The following HOXC4 variants were observed in gnomAD, a reference collection of about 807,000 sequenced individuals.
HOXC4 encodes homeobox protein Hox-C4.
HOXC4 carries 15 observed loss-of-function variants against 25.5 expected under a neutral mutation model. The observed-to-expected ratio is 0.59, with a 90% confidence interval of 0.39 to 0.91. The LOEUF is 0.91. Ranked by LOEUF, HOXC4 falls within the 40% of genes least tolerant of loss-of-function variation. The pLI, the probability that HOXC4 is intolerant of heterozygous loss-of-function variation, is 0.00. For synonymous variants in HOXC4, 165 were observed against 148.0 expected (o/e 1.11, Z -0.83); for missense variants, 342 against 352.4 (o/e 0.97, Z 0.24).
At chr12:54,026,157 C>T (rs1366044191) in intron 1 of HOXC4, among the ~76,000 whole-genome samples, 1 of 152,138 alleles carries the variant, frequency 6.6e-6, no homozygotes, top group Non-Finnish European at 1.5e-5. Flanking sequence ...CTTCCGGCCT[C>T]TTCTACTTGT....
chr12:54,053,093 G>C (rs1251680917), upstream of HOXC4: 1 of 152,418 alleles, frequency 6.6e-6, no homozygotes, highest in African/African-American at 2.4e-5. Flanking sequence ...GGGAGGGTCA[G>C]TGGGTAGCAG....
At chr12:54,018,860 G>C (rs1266372492) in intron 1 of HOXC4, among the ~76,000 whole-genome samples, 1 of 152,092 alleles carries the variant, frequency 6.6e-6, no homozygotes, top group Non-Finnish European at 1.5e-5. Context: ...CTCTCCCAGA[G>C]GCGCGACTGG....
Position 54,022,933 on chromosome 12 carries a change from A to C in HOXC4, c.-124+5519A>C, listed in dbSNP as rs779731280. 3.3e-5 allele frequency among the ~76,000 whole-genome samples: 5 copies of C among 152,284 alleles called. No homozygotes were observed. In the East Asian group the frequency reaches 5.8e-4, roughly 18 times the overall value. ...CCCAGTGCAGAGCAGCACACCCCCT[A>C]TTGCGGCTTCTTCCTCATGTGACAT... On this transcript the variant is annotated intron_variant, in intron 1 of 3. Coordinates refer to the HOXC4 transcript ENST00000303406.
chr12:54,034,648 C>T, intron 1 of HOXC4: 2 of 632,772 alleles, frequency 3.2e-6, no homozygotes, highest in Non-Finnish European at 5.5e-6. Flanking sequence ...CTTGGCATTC[C>T]GCATCCCTAC....
At chr12:54,047,271 C>T (rs575180526) in intron 1 of HOXC4, among the ~76,000 whole-genome samples, 1 of 152,236 alleles carries the variant, frequency 6.6e-6, no homozygotes, top group Non-Finnish European at 1.5e-5. Flanking sequence ...ACACAGGGAA[C>T]GTTTTCCTAT....
intron 1 of HOXC4, among the ~76,000 whole-genome samples, chr12:54,031,894 A>G (rs1592236297): frequency 6.6e-6 from 1 of 152,162 alleles, no homozygotes; most frequent in East Asian, 1.9e-4. Flanking sequence ...TCCTCTTGGT[A>G]GCTCAGAAAT....
intron 1 of HOXC4, among the ~76,000 whole-genome samples, chr12:54,031,738 G>C (rs914021546): frequency 6.6e-6 from 1 of 152,200 alleles, no homozygotes; most frequent in South Asian, 2.1e-4. Context: ...GCCTTCTCCT[G>C]GCGGGGCGGA....
chr12:54,027,147 T>TCGGATTCAGCTGCCTTTTC (rs1940755157), intron 1 of HOXC4, among the ~76,000 whole-genome samples: 1 of 152,252 alleles, frequency 6.6e-6, no homozygotes, highest in African/African-American at 2.4e-5. Context: ...CTCACAAGCC[T>TCGGATTCAGCTGCCTTTTC]CGGATTCAGC....
chr12:54,032,954 T>G, intron 1 of HOXC4: 2 of 605,376 alleles, frequency 3.3e-6, no homozygotes, highest in Non-Finnish European at 5.6e-6. Context: ...TCGAGTCACG[T>G]GACTCTATTT....
chr12:54,029,660 G>A, intron 1 of HOXC4: 1 of 1,611,188 alleles, frequency 6.2e-7, no homozygotes, highest in Non-Finnish European at 8.5e-7. Context: ...TTTAGGGGTC[G>A]GCTACGGAGC....
chr12:54,054,443 C>G (rs1243011420), intron 1 of HOXC4, 82 bp downstream of exon 1: 10 of 905,984 alleles, frequency 1.1e-5, no homozygotes, highest in African/African-American at 1.7e-5. Context: ...CTCTGGCCCC[C>G]GTCCTCCTTT....
intron 1 of HOXC4, chr12:54,029,060 C>T (rs1329940910): frequency 1.2e-6 from 1 of 818,868 alleles, no homozygotes; most frequent in Non-Finnish European, 1.9e-6. Context: ...AGACAGGGCC[C>T]CCTCTTCTGC....
chr12:54,046,536 A>AATAAAT (rs538528074), intron 1 of HOXC4, among the ~76,000 whole-genome samples: 2 of 149,864 alleles, frequency 1.3e-5, no homozygotes, highest in Non-Finnish European at 3.0e-5. Flanking sequence ...CCTTGAGGGA[A>AATAAAT]ATATATATAT....
chr12:54,023,563 G>C (rs1412858373), intron 1 of HOXC4, among the ~76,000 whole-genome samples: 2 of 152,212 alleles, frequency 1.3e-5, no homozygotes, highest in Non-Finnish European at 2.9e-5. Flanking sequence ...CCTTGGAGGT[G>C]TTTGGGGGCA....
intron 1 of HOXC4, among the ~76,000 whole-genome samples, chr12:54,032,578 G>A (rs1167754837): frequency 1.3e-5 from 2 of 152,172 alleles, no homozygotes. Flanking sequence ...ATTACAAAAA[G>A]CACTCTGTGC....
At chr12:54,035,234 G>C (rs1453651917) in intron 1 of HOXC4, 3 of 152,844 alleles carry the variant, frequency 2.0e-5, no homozygotes, top group Non-Finnish European at 4.4e-5. Flanking sequence ...GCCCTTTGCT[G>C]TCCCATAGTC....
At chr12:54,028,996 G>GC in intron 1 of HOXC4, 1 of 1,434,266 alleles carries the variant, frequency 7.0e-7, no homozygotes, top group Non-Finnish European at 9.4e-7. Context: ...AGAAGAACGG[G>GC]CGGAGAGAGT....
intron 1 of HOXC4, among the ~76,000 whole-genome samples, chr12:54,031,724 G>A (rs1374061232): frequency 6.6e-6 from 1 of 152,196 alleles, no homozygotes; most frequent in Non-Finnish European, 1.5e-5. Context: ...CCAGTGAGGA[G>A]GGGGCCTTCT....
At chr12:54,028,269 T>TA (rs1565740843) in intron 1 of HOXC4, 117 of 72,304 alleles carry the variant, frequency 1.6e-3, no homozygotes, top group Middle Eastern at 5.7e-3. Flanking sequence ...ATATATATAT[T>TA]TTTTAAAAGA....
Sources: allele counts gnomAD v4.1 joint callset (sites outside exome capture counted in the v4.1 genomes callset), GRCh38; gene constraint gnomAD v4.1.1; transcripts MANE v1.5; gene names NCBI Gene and HGNC (gene_info 2026-07-23, HGNC 2026-07-21).